SASS6: variants seen among roughly 807,000 people sequenced by gnomAD.
The protein encoded by SASS6 is SAS-6 centriolar assembly protein, also known as spindle assembly abnormal protein 6 homolog.
In SASS6, 59 loss-of-function variants were observed where a neutral mutation model predicts 94.9. The ratio of observed to expected loss-of-function variants is 0.62; its 90% CI spans 0.50 to 0.77. The LOEUF is 0.77. Among genes scored for constraint, SASS6 ranks in the 30% least tolerant of loss-of-function variants. The probability of loss-of-function intolerance (pLI) is 0.00; values close to 1 mark genes in which losing one functional copy is unlikely to be tolerated. For missense variants in SASS6, 698 were observed against 734.1 expected (o/e 0.95, Z 0.57); for synonymous variants, 264 against 270.0 (o/e 0.98, Z 0.22).
chr1:100,130,500 G>T (rs752895255), intron 1 of SASS6, among the ~76,000 whole-genome samples: 1 of 152,074 alleles, frequency 6.6e-6, no homozygotes, highest in Non-Finnish European at 1.5e-5. Flanking sequence ...GGGCAATACA[G>T]GGAGACCCCG....
chr1:100,125,709 T>C (rs569946671), intron 2 of SASS6, among the ~76,000 whole-genome samples, 173 bp downstream of exon 2: 1 of 150,820 alleles, frequency 6.6e-6, no homozygotes, highest in African/African-American at 2.4e-5. Context: ...AGTATAATTA[T>C]CCTTCAGTTG....
At chr1:100,091,911 G>T (rs933571595) in intron 14 of SASS6, among the ~76,000 whole-genome samples, 1 of 149,892 alleles carries the variant, frequency 6.7e-6, no homozygotes, top group Non-Finnish European at 1.5e-5. Flanking sequence ...GGGAGGCTGA[G>T]GTGGGAGGAA....
At position 100,120,482 on chromosome 1, in the gene SASS6, TAC is replaced by T. The variant is rs757975347; in HGVS notation, c.484-25_484-24del. On this transcript the variant is annotated intron_variant, in intron 5 of 16. Coordinates refer to ENST00000287482, the MANE Select transcript of SASS6 (RefSeq NM_194292.3). ...TTCCTATTCATAAAAATAATAAAAT[TAC>T]ACAGTTTACAATGTAATCATCTATA... 20 of 1,029,182 alleles carry T rather than the reference TAC, an allele frequency of 1.9e-5. 1 individual carries two copies. The highest frequency in any genetic ancestry group is 3.8e-5 in the South Asian group (3 of 78,496). 63.8% of individuals were successfully genotyped at this position (1,029,182 alleles called of 1,614,324 possible).
rs543214645 is a variant in SASS6 at position 100,108,633 on chromosome 1, T to C, written c.862-629A>G. Reference sequence around the variant, plus strand: ...AGGATACAATATTCCTAGATAGTTTTAGTTCTTAACCAAAGTTTCCAAAAA... The same window carrying C: ...AGGATACAATATTCCTAGATAGTTTCAGTTCTTAACCAAAGTTTCCAAAAA... On this transcript the variant is annotated intron_variant, in intron 8 of 16. Coordinates refer to ENST00000287482, the MANE Select transcript of SASS6 (RefSeq NM_194292.3). 3.5e-4 allele frequency among the ~76,000 whole-genome samples: 54 copies of C among 152,238 alleles called. No homozygotes were observed. In the South Asian group the frequency reaches 0.011, roughly 31 times the overall value.
At position 100,122,446 on chromosome 1, in the gene SASS6, G is replaced by T; in HGVS notation, c.245C>A (p.Ala82Asp). 2 of 1,575,556 alleles carry T rather than the reference G, an allele frequency of 1.3e-6. No homozygotes were observed. Among genetic ancestry groups the T allele is most frequent in the Non-Finnish European group, 1.7e-6 (2 of 1,147,742 alleles). The change falls in exon 4 of 17, where the codon GCT (alanine) becomes GAT (aspartate). Residue 82 changes from alanine (A) to aspartate (D), a missense_variant. Transcript: ENST00000287482. Reference protein sequence around the residue: ...FQQGLLVDFLAFPQKFIDLLQ... With the variant: ...FQQGLLVDFLDFPQKFIDLLQ... ...GAGATCTATAAATTTTTGTGGGAAAGCTAAGAAGTCTACCAGAAGACCTTG... is the reference window on the plus strand; with the variant it reads ...GAGATCTATAAATTTTTGTGGGAAATCTAAGAAGTCTACCAGAAGACCTTG...
intron 15 of SASS6, among the ~76,000 whole-genome samples, chr1:100,086,353 C>T (rs1015759767): frequency 2.6e-5 from 4 of 151,904 alleles, no homozygotes; most frequent in African/African-American, 4.8e-5. Context: ...GTTTGATACC[C>T]GGTGCCACTT....
At chr1:100,096,953 A>G (rs771151373) in intron 14 of SASS6, among the ~76,000 whole-genome samples, 2 of 152,080 alleles carry the variant, frequency 1.3e-5, no homozygotes, top group Non-Finnish European at 2.9e-5. Flanking sequence ...GTCTCTACTA[A>G]AAAATACAAA....
At chr1:100,119,692 G>T (rs528331592) in intron 6 of SASS6, among the ~76,000 whole-genome samples, 11 of 152,260 alleles carry the variant, frequency 7.2e-5, no homozygotes, top group African/African-American at 2.6e-4. Context: ...TAGTTCATAT[G>T]AGATCTGGAT....
At position 100,105,828 on chromosome 1, in the gene SASS6, G is replaced by A. The variant is rs1374462828; in HGVS notation, c.1484C>T (p.Thr495Ile). Residue 495 changes from threonine (T) to isoleucine (I), a missense_variant, in exon 13 of 17, where the codon ACT (threonine) becomes ATT (isoleucine). By Grantham distance (89) the Thr-to-Ile change is moderately conservative. Transcript: ENST00000287482. Reference protein sequence around the residue: ...RKQDVLGPSTTPPAHSSSNTI... With the variant: ...RKQDVLGPSTIPPAHSSSNTI... ...GTTGCTGCTGGAATGTGCAGGCGGA[G>A]TAGTAGAAGGTCCCAATACATCTTG... 1.2e-6 allele frequency: 2 copies of A among 1,612,850 alleles called. No individual in the cohort carries two copies. Among genetic ancestry groups the A allele is most frequent in the South Asian group, 2.2e-5 (2 of 90,934 alleles).
chr1:100,098,636 A>T (rs545957577), intron 14 of SASS6, among the ~76,000 whole-genome samples: 1 of 152,276 alleles, frequency 6.6e-6, no homozygotes, highest in East Asian at 1.9e-4. Flanking sequence ...TATGCACAAA[A>T]ATATTTGCTG....
intron 7 of SASS6, among the ~76,000 whole-genome samples, chr1:100,115,853 A>G (rs1416253283): frequency 6.6e-6 from 1 of 152,192 alleles, no homozygotes; most frequent in Non-Finnish European, 1.5e-5. Context: ...TAATAGAGGT[A>G]GTATTTTAAA....
At position 100,132,864 on chromosome 1, in the gene SASS6, C is replaced by G. The variant is rs1655194146; in HGVS notation, c.-50G>C. On this transcript the variant is annotated 5_prime_UTR_variant, in exon 1 of 17. Coordinates refer to ENST00000287482, the MANE Select transcript of SASS6 (RefSeq NM_194292.3). Reference sequence around the variant, plus strand: ...TGCAGAAAAGCCCAACAGGCCCGGCCCTCGGGATTAGCCTGAGAGGTCCGG... The same window carrying G: ...TGCAGAAAAGCCCAACAGGCCCGGCGCTCGGGATTAGCCTGAGAGGTCCGG... The G allele has an allele frequency of 1.3e-6, 2 of 1,544,954 alleles. No homozygotes were observed. Among genetic ancestry groups the G allele is most frequent in the Non-Finnish European group, 1.8e-6 (2 of 1,117,620 alleles).
intron 1 of SASS6, among the ~76,000 whole-genome samples, chr1:100,129,766 A>G (rs760926292): frequency 1.8e-4 from 27 of 152,320 alleles, no homozygotes; most frequent in Middle Eastern, 6.8e-3. Context: ...TATGACTTTC[A>G]TATTGGAGAG....
intron 7 of SASS6, among the ~76,000 whole-genome samples, chr1:100,115,702 C>T (rs968506114): frequency 6.6e-6 from 1 of 152,106 alleles, no homozygotes; most frequent in African/African-American, 2.4e-5. Context: ...GTGACACATG[C>T]CTGCAGTCCC....
chr1:100,085,724 C>G (rs2101633208), intron 15 of SASS6, 94 bp from the exon 16 acceptor site: 1 of 710,338 alleles, frequency 1.4e-6, no homozygotes, highest in Non-Finnish European at 2.3e-6. Context: ...GATAATGTAA[C>G]TAAGTTCTAT....
Position 100,103,087 on chromosome 1 carries a change from A to C in SASS6, c.1546-4T>G, listed in dbSNP as rs574373627. The C allele has an allele frequency of 6.4e-7, 1 of 1,572,790 alleles. No individual in the cohort carries two copies. The highest frequency in any genetic ancestry group is 8.7e-7 in the Non-Finnish European group (1 of 1,151,834). On this transcript the variant is annotated splice_region_variant and splice_polypyrimidine_tract_variant and intron_variant, in intron 13 of 16. Coordinates refer to ENST00000287482, the MANE Select transcript of SASS6 (RefSeq NM_194292.3). ...GGTAAGTCAGTCTACCATCAACCTA[A>C]AAATAAAAACATAAAGATGATTAAA...
chr1:100,099,492 A>G (rs1157969926), intron 14 of SASS6: 3 of 152,462 alleles, frequency 2.0e-5, no homozygotes, highest in African/African-American at 7.2e-5. Flanking sequence ...CCTAGGACCC[A>G]GGGAGCCCAG....
In SASS6 at chr1:100,085,398, G is replaced by T. The variant is rs774592025; in HGVS notation, c.1904C>A (p.Thr635Lys). The T allele has an allele frequency of 6.2e-7, 1 of 1,613,470 alleles. No homozygotes were observed. The highest frequency in any genetic ancestry group is 1.7e-5 in the Admixed American group (1 of 60,002). Reference protein sequence around the residue: ...QRDGTLGALHTSSKPTALPSA... With the variant: ...QRDGTLGALHKSSKPTALPSA... Reference sequence around the variant, plus strand: ...GGGGAGCGCTGTGGGTTTGGAAGATGTATGTAATGCTCCTAAAGTGCCATC... The same window carrying T: ...GGGGAGCGCTGTGGGTTTGGAAGATTTATGTAATGCTCCTAAAGTGCCATC... The change falls in exon 17 of 17, where the codon ACA (threonine) becomes AAA (lysine). Residue 635 changes from threonine to lysine, a missense_variant. Physicochemically the swap from Thr to Lys is moderately conservative, Grantham distance 78. Transcript: ENST00000287482.
Position 100,123,987 on chromosome 1 carries a change from GA to G in SASS6, c.127-699del, listed in dbSNP as rs562036993. Among the ~76,000 whole-genome samples, 9 of 152,276 alleles carry G rather than the reference GA, an allele frequency of 5.9e-5. No individual in the cohort carries two copies. In the East Asian group the frequency reaches 9.7e-4, roughly 16 times the overall value. On this transcript the variant is annotated intron_variant, in intron 2 of 16. Coordinates refer to ENST00000287482, the MANE Select transcript of SASS6 (RefSeq NM_194292.3). ...TATGTACCAGAGAACACTGGTGAAA[GA>G]AAAACAGCATTAGTTACAAGATGAT...
Sources: gnomAD v4.1 joint callset for allele counts (sites outside exome capture counted in the v4.1 genomes callset) on GRCh38, gnomAD v4.1.1 for gene constraint, MANE v1.5 for transcripts, NCBI Gene and HGNC (gene_info 2026-07-23, HGNC 2026-07-21) for gene names.